Variants in LRRC4C observed in about 807,000 individuals in gnomAD.
LRRC4C encodes leucine rich repeat containing 4C.
LRRC4C carries 5 observed loss-of-function variants against 33.6 expected under a neutral mutation model. The observed-to-expected ratio is 0.15, with a 90% CI of 0.08 to 0.31. The LOEUF is 0.31. Among genes scored for constraint, LRRC4C ranks in the 10% least tolerant of loss-of-function variants. The probability of loss-of-function intolerance (pLI) is 1.00; values close to 1 mark genes in which losing one functional copy is unlikely to be tolerated. For synonymous variants in LRRC4C, 329 were observed against 302.0 expected, an observed-to-expected ratio of 1.09 and a Z score of -0.93; for missense variants, 560 against 796.7, an observed-to-expected ratio of 0.70 and a Z score of 3.58.
chr11:41,418,231 T>C (rs563325768), intron 1 of LRRC4C, among the ~76,000 whole-genome samples: 2 of 152,062 alleles, frequency 1.3e-5, no homozygotes, highest in South Asian at 2.1e-4. Flanking sequence ...GACACAAATA[T>C]AAACTTTTTC....
intron 4 of LRRC4C, among the ~76,000 whole-genome samples, chr11:40,307,597 T>C: frequency 6.6e-6 from 1 of 152,234 alleles, no homozygotes; most frequent in East Asian, 1.9e-4. Flanking sequence ...TGTTGTATAG[T>C]TATGTATATA....
intron 2 of LRRC4C, among the ~76,000 whole-genome samples, chr11:40,865,834 A>G (rs1283442767): frequency 6.6e-6 from 1 of 152,068 alleles, no homozygotes; most frequent in East Asian, 1.9e-4. Context: ...TATAGAAAGG[A>G]AAAATAAGAG....
intron 2 of LRRC4C, among the ~76,000 whole-genome samples, chr11:40,709,086 G>A (rs1447267840): frequency 6.6e-6 from 1 of 151,716 alleles, no homozygotes; most frequent in East Asian, 1.9e-4. Flanking sequence ...TTTATTTTGA[G>A]CCTATGTGTG....
intron 4 of LRRC4C, among the ~76,000 whole-genome samples, chr11:40,289,131 T>A (rs192899419): frequency 2.3e-4 from 35 of 152,320 alleles, no homozygotes; most frequent in Admixed American, 8.5e-4. Flanking sequence ...CAAATGAGGA[T>A]CCTGGCAACC....
At chr11:41,315,226 T>C (rs183726472) in intron 1 of LRRC4C, among the ~76,000 whole-genome samples, 97 of 152,352 alleles carry the variant, frequency 6.4e-4, no homozygotes, top group Admixed American at 2.6e-4. Context: ...TATCAATGCC[T>C]ACATTTGGTT....
intron 1 of LRRC4C, among the ~76,000 whole-genome samples, chr11:41,050,760 A>G (rs1457641599): frequency 6.6e-6 from 1 of 152,136 alleles, no homozygotes; most frequent in Non-Finnish European, 1.5e-5. Flanking sequence ...ATACGTGTGC[A>G]TGTGTCTTTG....
chr11:40,833,186 C>A (rs1205061247), intron 2 of LRRC4C, among the ~76,000 whole-genome samples: 1 of 152,092 alleles, frequency 6.6e-6, no homozygotes, highest in African/African-American at 2.4e-5. Flanking sequence ...TTCCCAAACT[C>A]TGACTCAAAA....
intron 1 of LRRC4C, among the ~76,000 whole-genome samples, chr11:41,115,701 T>A (rs1942080911): frequency 6.6e-6 from 1 of 152,050 alleles, no homozygotes; most frequent in South Asian, 2.1e-4. Context: ...ATAGCTGAGA[T>A]CCACTTTGAC....
At chr11:40,712,661 A>G (rs1946524163) in intron 2 of LRRC4C, among the ~76,000 whole-genome samples, 1 of 152,276 alleles carries the variant, frequency 6.6e-6, no homozygotes, top group East Asian at 1.9e-4. Flanking sequence ...TAGAGAAGGA[A>G]GAATAAGCAT....
At chr11:40,648,299 A>C (rs1278708405) in intron 2 of LRRC4C, 21 bp from the exon 3 acceptor site, 1 of 152,190 alleles carries the variant, frequency 6.6e-6, no homozygotes, top group East Asian at 1.9e-4. Context: ...TAGAAGAAAA[A>C]GATATAATTA....
At chr11:40,396,735 A>T (rs1949556510) in intron 3 of LRRC4C, among the ~76,000 whole-genome samples, 1 of 152,146 alleles carries the variant, frequency 6.6e-6, no homozygotes, top group African/African-American at 2.4e-5. Flanking sequence ...AAAAAGGTCC[A>T]ACATAATTTT....
At chr11:40,585,948 T>A (rs1382133885) in intron 3 of LRRC4C, among the ~76,000 whole-genome samples, 1 of 137,814 alleles carries the variant, frequency 7.3e-6, no homozygotes, top group Non-Finnish European at 1.6e-5. Flanking sequence ...TGCATGTGTC[T>A]TTATAGCAGC....
intron 1 of LRRC4C, among the ~76,000 whole-genome samples, chr11:41,282,634 G>A (rs905546501): frequency 5.9e-5 from 9 of 151,780 alleles, no homozygotes; most frequent in South Asian, 2.1e-4. Context: ...ATCGGTTTGC[G>A]TAGGATGAGC....
chr11:40,557,031 C>A (rs558619464), intron 3 of LRRC4C, among the ~76,000 whole-genome samples: 7 of 151,354 alleles, frequency 4.6e-5, no homozygotes, highest in South Asian at 2.1e-4. Flanking sequence ...CAAGACCAAT[C>A]AAAAAAAAGT....
At chr11:40,564,222 C>T (rs1957666015) in intron 3 of LRRC4C, among the ~76,000 whole-genome samples, 1 of 152,078 alleles carries the variant, frequency 6.6e-6, no homozygotes, top group Non-Finnish European at 1.5e-5. Context: ...GTGGCATGGC[C>T]TTGAGAAGCC....
rs1027889169 is a variant in LRRC4C, at chr11:41,030,483, G to A, written c.-495-96760C>T. Among the ~76,000 whole-genome samples, 5 of 151,714 alleles carry A rather than the reference G, an allele frequency of 3.3e-5. No individual in the cohort carries two copies. The Admixed American group carries it at 3.3e-4, about 10-fold the overall frequency. On this transcript the variant is annotated intron_variant, in intron 1 of 6. Transcript: ENST00000528697. ...ATCAAAAGCCTAGACAGAATTGCAGGAGGGAGCGTTTCACAACACCAGAGA... is the reference window on the plus strand; with the variant it reads ...ATCAAAAGCCTAGACAGAATTGCAGAAGGGAGCGTTTCACAACACCAGAGA...
At chr11:41,137,904 C>G (rs61878615) in intron 1 of LRRC4C, among the ~76,000 whole-genome samples, 1 of 152,042 alleles carries the variant, frequency 6.6e-6, no homozygotes, top group Admixed American at 6.6e-5. Flanking sequence ...CTTTTGGACC[C>G]AGGTGGGAGG....
chr11:40,500,560 C>A (rs1954710521), intron 3 of LRRC4C, among the ~76,000 whole-genome samples: 1 of 151,870 alleles, frequency 6.6e-6, no homozygotes, highest in Admixed American at 6.6e-5. Flanking sequence ...ATGGTGGCAG[C>A]AAGAGAGAAT....
intron 1 of LRRC4C, among the ~76,000 whole-genome samples, chr11:41,000,125 C>T (rs1042211370): frequency 2.6e-5 from 4 of 152,142 alleles, no homozygotes; most frequent in Non-Finnish European, 5.9e-5. Flanking sequence ...ATGCCTCGCT[C>T]ATCATCAGAA....
Sources: allele counts gnomAD v4.1 joint callset (sites outside exome capture counted in the v4.1 genomes callset), GRCh38; gene constraint gnomAD v4.1.1; transcripts MANE v1.5; gene names NCBI Gene and HGNC (gene_info 2026-07-23, HGNC 2026-07-21).